The following WWC1 variants were observed in gnomAD, a reference collection of about 807,000 sequenced individuals.
The protein encoded by WWC1 is WW and C2 domain containing 1, also known as protein KIBRA.
Under a neutral mutation model 138.4 loss-of-function variants are expected in WWC1, and 55 were observed. The ratio of observed to expected loss-of-function variants is 0.40; its 90% CI spans 0.32 to 0.50. WWC1 has a LOEUF of 0.50. Among genes scored for constraint, WWC1 ranks in the 20% least tolerant of loss-of-function variants. WWC1 has a pLI of 0.72. For missense variants in WWC1, 1,226 were observed against 1,420.4 expected, an observed-to-expected ratio of 0.86 and a Z score of 2.20; for synonymous variants, 524 against 564.9, an observed-to-expected ratio of 0.93 and a Z score of 1.03.
In WWC1 at chr5:168,294,891, G is replaced by T. The variant is rs542307495; in HGVS notation, c.119+2620G>T. On this transcript the variant is annotated intron_variant, in intron 1 of 22. Transcript: ENST00000265293. The stretch of plus-strand genomic sequence containing the variant: ...TCCGCCCACCTCAGCCTCCCAAAGT[G>T]CTAGGATTACAGGCGTGAGCCACCA... 4.6e-5 allele frequency among the ~76,000 whole-genome samples: 7 copies of T among 152,276 alleles called. No homozygotes were observed. The South Asian group carries it at 1.5e-3, about 32-fold the overall frequency.
At chr5:168,304,666 A>G (rs1306787173) in intron 1 of WWC1, among the ~76,000 whole-genome samples, 1 of 152,118 alleles carries the variant, frequency 6.6e-6, no homozygotes, top group African/African-American at 2.4e-5. Context: ...CTCTCTGGGT[A>G]ACTCTGCTGC....
rs142645708 is a variant in WWC1 at position 168,446,052 on chromosome 5, T to C, written c.2525+1467T>C. 8.4e-3 allele frequency among the ~76,000 whole-genome samples: 1,269 copies of C among 151,568 alleles called. 10 individuals carry two copies. The highest frequency in any genetic ancestry group is 0.028 in the African/African-American group (1,137 of 41,278). On this transcript the variant is annotated intron_variant, in intron 17 of 22. Coordinates refer to ENST00000265293, the MANE Select transcript of WWC1 (RefSeq NM_015238.3). ...AAGGAGACTGGAGAATGAGGTCTGT[T>C]ATTTGGGTACAAAAATCAAATTTCT...
Position 168,471,255 on chromosome 5 carries a change from G to T in WWC1, c.*2238G>T, listed in dbSNP as rs942610297. ...CCCCCTGTGGCTTCCAGGCCCCCCT[G>T]TATAGCTGCTATCCAGCCCGATTTC... On this transcript the variant is annotated 3_prime_UTR_variant, in exon 23 of 23. Coordinates refer to ENST00000265293, the MANE Select transcript of WWC1 (RefSeq NM_015238.3). 1.3e-5 allele frequency: 2 copies of T among 152,820 alleles called. No homozygotes were observed. Among genetic ancestry groups the T allele is most frequent in the Middle Eastern group, 3.1e-3 (1 of 320 alleles). The allele number at this position is 152,820 out of a possible 1,614,324, so 9.5% of individuals were successfully genotyped here.
At position 168,364,168 on chromosome 5, in the gene WWC1, A is replaced by G. The variant is rs561383116; in HGVS notation, c.120-7256A>G. Among the ~76,000 whole-genome samples, 31 of 152,110 alleles carry G rather than the reference A, an allele frequency of 2.0e-4. No individual in the cohort carries two copies. In the South Asian group the frequency reaches 6.2e-3, roughly 31 times the overall value. On this transcript the variant is annotated intron_variant, in intron 1 of 22. Coordinates refer to ENST00000265293, the MANE Select transcript of WWC1 (RefSeq NM_015238.3). ...TTTCACAGAGAAGAAAACTCCTCTC[A>G]AGCAGGTTACATAACCCACCTACAG...
At chr5:168,333,138 A>C (rs1194027163) in intron 1 of WWC1, among the ~76,000 whole-genome samples, 1 of 152,212 alleles carries the variant, frequency 6.6e-6, no homozygotes, top group Admixed American at 6.5e-5. Context: ...TCTCTGTCTA[A>C]CCAGGCTGAA....
At chr5:168,318,318 T>G (rs1771778086) in intron 1 of WWC1, among the ~76,000 whole-genome samples, 1 of 152,318 alleles carries the variant, frequency 6.6e-6, no homozygotes, top group Non-Finnish European at 1.5e-5. Context: ...AAATTTATTT[T>G]TAATTGTGGC....
chr5:168,309,747 C>T (rs1056973222), intron 1 of WWC1, among the ~76,000 whole-genome samples: 43 of 152,160 alleles, frequency 2.8e-4, no homozygotes, highest in African/African-American at 9.6e-4. Flanking sequence ...GAGACCTCTC[C>T]CTCTGTCTTA....
intron 1 of WWC1, among the ~76,000 whole-genome samples, chr5:168,365,301 T>A: frequency 6.6e-6 from 1 of 152,074 alleles, no homozygotes; most frequent in Non-Finnish European, 1.5e-5. Context: ...GTTCTTGGCT[T>A]GGAGTCTGGA....
intron 2 of WWC1, among the ~76,000 whole-genome samples, chr5:168,381,730 C>T (rs1407848629): frequency 6.8e-6 from 1 of 146,390 alleles, no homozygotes; most frequent in Non-Finnish European, 1.5e-5. Context: ...TTTAAGTGTT[C>T]TTCGGGGGGT....
intron 1 of WWC1, among the ~76,000 whole-genome samples, chr5:168,353,883 G>T (rs1209733719): frequency 6.6e-6 from 1 of 152,152 alleles, no homozygotes; most frequent in East Asian, 1.9e-4. Context: ...GTTTCATTTG[G>T]AACGATGTCT....
chr5:168,468,540 G>A (rs999775922), intron 22 of WWC1, among the ~76,000 whole-genome samples: 6 of 152,080 alleles, frequency 3.9e-5, no homozygotes, highest in Non-Finnish European at 8.8e-5. Context: ...CATTTAAAAT[G>A]TATATTTGTA....
intron 15 of WWC1, among the ~76,000 whole-genome samples, chr5:168,431,849 C>T (rs1781974490): frequency 6.6e-6 from 1 of 152,108 alleles, no homozygotes; most frequent in Non-Finnish European, 1.5e-5. Context: ...GCCAGAGGAT[C>T]ACTCAAGTGC....
At chr5:168,442,863 A>G (rs943214227) in intron 16 of WWC1, among the ~76,000 whole-genome samples, 6 of 152,170 alleles carry the variant, frequency 3.9e-5, no homozygotes, top group African/African-American at 1.2e-4. Flanking sequence ...GAAAAGAAAA[A>G]AAAGCTTATA....
chr5:168,383,176 C>CA (rs1468275675), intron 2 of WWC1, among the ~76,000 whole-genome samples: 1 of 121,240 alleles, frequency 8.2e-6, no homozygotes, highest in Non-Finnish European at 1.7e-5. Flanking sequence ...GACTCCATCT[C>CA]AAAAACAAAA....
intron 6 of WWC1, among the ~76,000 whole-genome samples, chr5:168,408,257 C>T (rs568585337): frequency 3.9e-5 from 6 of 152,044 alleles, no homozygotes; most frequent in Non-Finnish European, 7.4e-5. Context: ...GCAGGGATTC[C>T]AACTAGGGCA....
intron 9 of WWC1, 78 bp from the exon 10 acceptor site, chr5:168,421,930 G>A (rs1781118389): frequency 1.6e-6 from 2 of 1,241,626 alleles, no homozygotes; most frequent in Admixed American, 1.7e-5. Context: ...TGTGCCTGTG[G>A]GTCTGGGTGT....
intron 1 of WWC1, among the ~76,000 whole-genome samples, chr5:168,302,539 G>C (rs1279117538): frequency 6.6e-6 from 1 of 152,168 alleles, no homozygotes; most frequent in Non-Finnish European, 1.5e-5. Context: ...TTGAAGCCGG[G>C]AGACCTTGAG....
chr5:168,448,615 G>T (rs1331329684), intron 17 of WWC1, among the ~76,000 whole-genome samples: 2 of 116,928 alleles, frequency 1.7e-5, no homozygotes, highest in South Asian at 2.5e-4. Flanking sequence ...TCTCAAATAA[G>T]ATTTTTTTTT....
At chr5:168,452,459 CTG>C (rs762502214) in intron 17 of WWC1, among the ~76,000 whole-genome samples, 3 of 152,180 alleles carry the variant, frequency 2.0e-5, no homozygotes, top group Non-Finnish European at 4.4e-5. Context: ...AGAGGACAGA[CTG>C]TGTGAGCACG....
Sources: gnomAD v4.1 joint callset for allele counts (sites outside exome capture counted in the v4.1 genomes callset) on GRCh38, gnomAD v4.1.1 for gene constraint, MANE v1.5 for transcripts, NCBI Gene and HGNC (gene_info 2026-07-23, HGNC 2026-07-21) for gene names.